Variants in PCGF5 observed in about 807,000 individuals in gnomAD.
The protein encoded by PCGF5 is polycomb group ring finger 5.
In PCGF5, 9 loss-of-function variants were observed where a neutral mutation model predicts 44.3. That is an observed-to-expected ratio of 0.20 (90% CI 0.12 to 0.35). The LOEUF (loss-of-function observed/expected upper bound fraction) is 0.35, where lower values mean the gene tolerates loss of function less well. Among genes scored for constraint, PCGF5 ranks in the 10% least tolerant of loss-of-function variants. PCGF5 has a pLI of 1.00. For missense variants in PCGF5, 146 were observed against 305.3 expected (o/e 0.48, Z 3.89); for synonymous variants, 95 against 102.5 (o/e 0.93, Z 0.44).
chr10:91,212,873 A>G (rs76914655), intron 1 of PCGF5, among the ~76,000 whole-genome samples: 1,660 of 152,286 alleles, frequency 0.011, 28 homozygotes, highest in African/African-American at 0.038. Flanking sequence ...CTCTCTTTGT[A>G]AAGATCTGAA....
At chr10:91,222,620 T>C in intron 1 of PCGF5, 69 bp from the exon 2 acceptor site, 1 of 485,284 alleles carries the variant, frequency 2.1e-6, no homozygotes, top group East Asian at 3.1e-5. Flanking sequence ...GTTAATAGAA[T>C]GACATTAATA....
intron 1 of PCGF5, among the ~76,000 whole-genome samples, chr10:91,221,319 C>T (rs1346903139): frequency 1.3e-5 from 2 of 152,184 alleles, no homozygotes; most frequent in African/African-American, 2.4e-5. Flanking sequence ...AGAGGACTTT[C>T]TCTTACTTTG....
chr10:91,197,349 A>G (rs926160167), intron 1 of PCGF5, among the ~76,000 whole-genome samples: 24 of 151,978 alleles, frequency 1.6e-4, no homozygotes, highest in African/African-American at 5.8e-4. Context: ...CTGCTCCGTG[A>G]TGTATTATTT....
chr10:91,243,225 A>G (rs997308948), intron 3 of PCGF5, among the ~76,000 whole-genome samples: 1 of 152,180 alleles, frequency 6.6e-6, no homozygotes, highest in Non-Finnish European at 1.5e-5. Flanking sequence ...GATCTTTACC[A>G]AAGTTTCCTA....
At chr10:91,222,655 TTC>T in intron 1 of PCGF5, 32 bp from the exon 2 acceptor site, 1 of 518,386 alleles carries the variant, frequency 1.9e-6, no homozygotes, top group Non-Finnish European at 3.4e-6. Flanking sequence ...TGACGCTTTT[TTC>T]TCTCATCTTT....
intron 8 of PCGF5, among the ~76,000 whole-genome samples, chr10:91,270,167 C>T (rs746109684): frequency 3.3e-5 from 5 of 152,200 alleles, no homozygotes; most frequent in Admixed American, 1.3e-4. Flanking sequence ...CGTGTACTCA[C>T]GTTCTTCCTG....
chr10:91,198,902 A>C (rs998048490), intron 1 of PCGF5, among the ~76,000 whole-genome samples: 1 of 152,138 alleles, frequency 6.6e-6, no homozygotes, highest in Non-Finnish European at 1.5e-5. Flanking sequence ...TTGCCAGGCC[A>C]TTCTTGTTCT....
chr10:91,263,332 C>T (rs1403102080), intron 7 of PCGF5, among the ~76,000 whole-genome samples: 1 of 152,130 alleles, frequency 6.6e-6, no homozygotes, highest in Non-Finnish European at 1.5e-5. Flanking sequence ...GAAATTATCT[C>T]CTTTATTCTT....
intron 3 of PCGF5, among the ~76,000 whole-genome samples, chr10:91,245,018 C>T (rs939716446): frequency 2.6e-5 from 4 of 152,120 alleles, no homozygotes; most frequent in African/African-American, 9.7e-5. Flanking sequence ...GAAGGTCTTT[C>T]AAACTGTAAG....
chr10:91,217,097 G>A (rs560145550), upstream of PCGF5, among the ~76,000 whole-genome samples: 6 of 151,954 alleles, frequency 3.9e-5, no homozygotes, highest in East Asian at 3.9e-4. Flanking sequence ...GCAGTGGCAC[G>A]ATCTTGGCTC....
chr10:91,215,774 T>C (rs774366904), upstream of PCGF5, among the ~76,000 whole-genome samples: 40 of 152,274 alleles, frequency 2.6e-4, no homozygotes, highest in Admixed American at 6.5e-5. Flanking sequence ...CCACCCATAG[T>C]GCTGCTGCTT....
chr10:91,218,662 T>A (rs1184513005), upstream of PCGF5, among the ~76,000 whole-genome samples: 2 of 152,190 alleles, frequency 1.3e-5, no homozygotes, highest in African/African-American at 4.8e-5. Context: ...AGACAGAGCC[T>A]TGCTCTGTCT....
intron 2 of PCGF5, among the ~76,000 whole-genome samples, chr10:91,236,893 G>A (rs1249561187): frequency 6.6e-6 from 1 of 151,956 alleles, no homozygotes; most frequent in East Asian, 1.9e-4. Context: ...TACTGAAAAG[G>A]GCTCTATACA....
chr10:91,249,063 A>G (rs1845549700), intron 5 of PCGF5, among the ~76,000 whole-genome samples: 1 of 152,064 alleles, frequency 6.6e-6, no homozygotes, highest in South Asian at 2.1e-4. Context: ...GCAACTAAAC[A>G]GTGAAGAGTT....
intron 6 of PCGF5, among the ~76,000 whole-genome samples, chr10:91,260,759 A>G (rs1347151158): frequency 4.3e-5 from 6 of 141,086 alleles, no homozygotes; most frequent in Non-Finnish European, 6.1e-5. Context: ...GAATTGAACA[A>G]TGAGAACACA....
chr10:91,251,984 G>A (rs2648717), intron 6 of PCGF5, among the ~76,000 whole-genome samples: 1 of 151,792 alleles, frequency 6.6e-6, no homozygotes, highest in Non-Finnish European at 1.5e-5. Context: ...TCCATTTCTG[G>A]TACTGTTTTC....
chr10:91,187,687 G>A (rs1479139112), intron 1 of PCGF5, among the ~76,000 whole-genome samples: 4 of 152,110 alleles, frequency 2.6e-5, no homozygotes. Flanking sequence ...CAACTTCAAT[G>A]CTTCATGTTT....
upstream of PCGF5, among the ~76,000 whole-genome samples, chr10:91,159,593 C>A (rs1843355306): frequency 6.6e-6 from 1 of 152,210 alleles, no homozygotes; most frequent in South Asian, 2.1e-4. Context: ...ATACTTCCAG[C>A]CTCCAGAACT....
At chr10:91,184,676 C>T (rs1323765837) in intron 1 of PCGF5, among the ~76,000 whole-genome samples, 1 of 151,496 alleles carries the variant, frequency 6.6e-6, no homozygotes, top group East Asian at 1.9e-4. Flanking sequence ...TTGATTCTTT[C>T]TCATCTTTGT....
Sources: allele counts gnomAD v4.1 joint callset (sites outside exome capture counted in the v4.1 genomes callset), GRCh38; gene constraint gnomAD v4.1.1; transcripts MANE v1.5; gene names NCBI Gene and HGNC (gene_info 2026-07-23, HGNC 2026-07-21).